Variants in PCMTD1 observed in about 807,000 individuals in gnomAD.
PCMTD1 encodes the protein protein-L-isoaspartate (D-aspartate) O-methyltransferase domain containing 1.
In PCMTD1, 12 loss-of-function variants were observed where a neutral mutation model predicts 37.6. That is an observed-to-expected ratio of 0.32 (90% CI 0.20 to 0.52). The LOEUF (loss-of-function observed/expected upper bound fraction) is 0.52, where lower values mean the gene tolerates loss of function less well. PCMTD1 is among the 20% of genes least tolerant of loss of function. The pLI is 0.97. For synonymous variants in PCMTD1, 117 were observed against 135.8 expected (o/e 0.86, Z 0.96); for missense variants, 235 against 421.3 (o/e 0.56, Z 3.87).
intron 1 of PCMTD1, among the ~76,000 whole-genome samples, chr8:51,865,126 CAAG>C (rs1332889171): frequency 2.0e-5 from 3 of 152,032 alleles, no homozygotes; most frequent in African/African-American, 7.2e-5. Context: ...CAAGTTGAAT[CAAG>C]AAGGAACAGA....
intron 2 of PCMTD1, among the ~76,000 whole-genome samples, chr8:51,847,016 AT>A (rs1442349156): frequency 2.3e-4 from 35 of 152,202 alleles, no homozygotes; most frequent in Admixed American, 1.9e-3. Flanking sequence ...ATGTTTTTAC[AT>A]TTTATAAATT....
intron 1 of PCMTD1, among the ~76,000 whole-genome samples, chr8:51,885,243 TTAACTTC>T (rs776445011): frequency 3.3e-5 from 5 of 152,192 alleles, no homozygotes; most frequent in Non-Finnish European, 5.9e-5. Context: ...CCTTTTAACT[TTAACTTC>T]TAAGTATTGG....
rs375955995 is a variant in PCMTD1 at position 51,833,505 on chromosome 8, G to C, written c.582+13C>G. The C allele has an allele frequency of 3.1e-6, 5 of 1,592,926 alleles. No individual in the cohort carries two copies. The Admixed American group carries it at 8.7e-5, about 28-fold the overall frequency. ...CTTCCTAGGCCACTAAAGAAAAGGA[G>C]AGTGGAAGTTACCTGATCCTCTATA... On this transcript the variant is annotated intron_variant, in intron 4 of 5. Transcript: ENST00000522514.
intron 1 of PCMTD1, among the ~76,000 whole-genome samples, chr8:51,897,706 C>T (rs986562258): frequency 6.6e-6 from 1 of 152,082 alleles, no homozygotes; most frequent in Non-Finnish European, 1.5e-5. Flanking sequence ...GCTTGTAGCC[C>T]TTTTCAAAGC....
intron 1 of PCMTD1, among the ~76,000 whole-genome samples, chr8:51,874,376 A>T (rs749447612): frequency 6.6e-6 from 1 of 150,848 alleles, no homozygotes; most frequent in South Asian, 2.1e-4. Context: ...CTCCTTCAAC[A>T]TGGAACCACC....
chr8:51,845,525 T>C, intron 3 of PCMTD1, 136 bp downstream of exon 3: 1 of 550,416 alleles, frequency 1.8e-6, no homozygotes, highest in Non-Finnish European at 3.2e-6. Context: ...ATCTTAACTT[T>C]TTCTCATTTT....
chr8:51,860,697 T>A (rs1332795444), intron 2 of PCMTD1, 148 bp downstream of exon 2: 5 of 659,038 alleles, frequency 7.6e-6, no homozygotes, highest in Non-Finnish European at 1.2e-5. Context: ...ACTACTACTT[T>A]GTGTTTTCAC....
intron 3 of PCMTD1, among the ~76,000 whole-genome samples, chr8:51,839,908 G>C (rs1585800015): frequency 6.6e-6 from 1 of 152,110 alleles, no homozygotes; most frequent in South Asian, 2.1e-4. Context: ...AGCCATGACT[G>C]CTTTATTAAG....
At chr8:51,825,490 C>G (rs1412548504) in intron 5 of PCMTD1, among the ~76,000 whole-genome samples, 2 of 54,368 alleles carry the variant, frequency 3.7e-5, no homozygotes, top group African/African-American at 5.9e-5. Flanking sequence ...GTCAGGAGAT[C>G]GAGACCATCC....
chr8:51,895,034 T>TA (rs1286183715), intron 1 of PCMTD1, among the ~76,000 whole-genome samples: 1 of 152,166 alleles, frequency 6.6e-6, no homozygotes, highest in Non-Finnish European at 1.5e-5. Flanking sequence ...AGGCTGATGA[T>TA]ACACAAGTGG....
intron 3 of PCMTD1, among the ~76,000 whole-genome samples, chr8:51,841,936 A>AT (rs145007518): frequency 0.031 from 4,788 of 152,310 alleles, 105 homozygotes; most frequent in Middle Eastern, 0.071. Context: ...GTTCATTTTC[A>AT]TGGCATTTGC....
intron 1 of PCMTD1, among the ~76,000 whole-genome samples, chr8:51,868,215 T>C (rs2038588255): frequency 6.6e-6 from 1 of 152,128 alleles, no homozygotes; most frequent in South Asian, 2.1e-4. Context: ...ATAGTCAAAA[T>C]ACTATAAACA....
At chr8:51,859,057 C>T (rs1487969614) in intron 2 of PCMTD1, among the ~76,000 whole-genome samples, 1 of 152,104 alleles carries the variant, frequency 6.6e-6, no homozygotes, top group Non-Finnish European at 1.5e-5. Flanking sequence ...TGATGCATAC[C>T]TCCCCCATCC....
chr8:51,876,932 C>G (rs750629954), intron 1 of PCMTD1, among the ~76,000 whole-genome samples: 3 of 152,134 alleles, frequency 2.0e-5, no homozygotes, highest in Non-Finnish European at 4.4e-5. Context: ...TGGTGAGGAA[C>G]AGGATTATCT....
chr8:51,853,239 C>T (rs1346415907), intron 2 of PCMTD1, among the ~76,000 whole-genome samples: 1 of 152,146 alleles, frequency 6.6e-6, no homozygotes, highest in Non-Finnish European at 1.5e-5. Context: ...CCTGCAAGAG[C>T]CAAACCCAGA....
At chr8:51,877,847 C>T (rs989844864) in intron 1 of PCMTD1, among the ~76,000 whole-genome samples, 1 of 152,090 alleles carries the variant, frequency 6.6e-6, no homozygotes, top group Non-Finnish European at 1.5e-5. Flanking sequence ...TATTAAAGTT[C>T]CTGATTTTAA....
chr8:51,845,816 A>T lies in PCMTD1; in HGVS notation c.308-53T>A, dbSNP rs769390833. On this transcript the variant is annotated intron_variant, in intron 2 of 5. Coordinates refer to ENST00000522514, the MANE Select transcript of PCMTD1 (RefSeq NM_052937.4). ...AAATATTAATAATATGCCCTTACAG[A>T]GCTCTTTTTTAAGTTCTGCTCATTT... 2.8e-4 allele frequency: 361 copies of T among 1,296,722 alleles called. 1 individual carries two copies. Among genetic ancestry groups the T allele is most frequent in the Non-Finnish European group, 3.7e-4 (340 of 916,132 alleles). 80.3% of individuals were successfully genotyped at this position (1,296,722 alleles called of 1,614,324 possible).
At chr8:51,865,880 T>C (rs959080512) in intron 1 of PCMTD1, among the ~76,000 whole-genome samples, 8 of 151,986 alleles carry the variant, frequency 5.3e-5, no homozygotes, top group African/African-American at 1.9e-4. Flanking sequence ...AAAATACCTA[T>C]GTTAACTGAT....
At chr8:51,896,835 A>T (rs13272178) in intron 1 of PCMTD1, among the ~76,000 whole-genome samples, 103,218 of 150,520 alleles carry the variant, frequency 0.69, 41,857 homozygotes, top group Non-Finnish European at 0.9. Context: ...AGAGCAGAAA[A>T]CACAGGTTCT....
Sources: allele counts gnomAD v4.1 joint callset (sites outside exome capture counted in the v4.1 genomes callset), GRCh38; gene constraint gnomAD v4.1.1; transcripts MANE v1.5; gene names NCBI Gene and HGNC (gene_info 2026-07-23, HGNC 2026-07-21).